The following DPF3 variants were observed in gnomAD, a reference collection of about 807,000 sequenced individuals.
DPF3 encodes the protein zinc finger protein DPF3.
DPF3 carries 18 observed loss-of-function variants against 56.8 expected under a neutral mutation model. The observed-to-expected ratio is 0.32, with a 90% CI of 0.22 to 0.47. The LOEUF is 0.47. Ranked by LOEUF, DPF3 falls within the 20% of genes least tolerant of loss-of-function variation. The pLI is 1.00. For synonymous variants in DPF3, 188 were observed against 180.2 expected (o/e 1.04, Z -0.35); for missense variants, 403 against 488.8 (o/e 0.82, Z 1.65).
intron 8 of DPF3, among the ~76,000 whole-genome samples, chr14:72,633,791 C>G (rs568422531): frequency 6.6e-6 from 1 of 151,964 alleles, no homozygotes; most frequent in Admixed American, 6.6e-5. Flanking sequence ...GAGGAGGGGC[C>G]GGGGGTGGCG....
chr14:72,613,033 T>C lies in DPF3; in HGVS notation c.*6264A>G, dbSNP rs1352132339. On this transcript the variant is annotated 3_prime_UTR_variant, in exon 11 of 11. Coordinates refer to ENST00000556509, the MANE Select transcript of DPF3 (RefSeq NM_001280542.3). ...GTGTGTGTGTGTGTGTGTGTGTGTA[T>C]GTGCGTGCGTGCACGCACGCGCATG... Among the ~76,000 whole-genome samples, 1 of 150,936 alleles carries C rather than the reference T, an allele frequency of 6.6e-6. No individual in the cohort carries two copies. The highest frequency in any genetic ancestry group is 1.5e-5 in the Non-Finnish European group (1 of 67,696).
chr14:72,624,903 C>G (rs1884731197), intron 9 of DPF3, among the ~76,000 whole-genome samples: 1 of 152,208 alleles, frequency 6.6e-6, no homozygotes, highest in African/African-American at 2.4e-5. Context: ...CTTGGCGCAT[C>G]ATATCGGGGG....
At chr14:72,889,743 A>G (rs978312969) in intron 1 of DPF3, among the ~76,000 whole-genome samples, 7 of 152,254 alleles carry the variant, frequency 4.6e-5, no homozygotes, top group Non-Finnish European at 7.3e-5. Context: ...ACGTTCATCT[A>G]CACACATGAC....
At chr14:72,738,155 A>G (rs577386929) in intron 3 of DPF3, among the ~76,000 whole-genome samples, 3 of 151,866 alleles carry the variant, frequency 2.0e-5, no homozygotes, top group East Asian at 3.9e-4. Flanking sequence ...GGGGAGGGGG[A>G]TCAGAGACCT....
chr14:72,811,335 T>C (rs908125138), intron 1 of DPF3, among the ~76,000 whole-genome samples: 1 of 152,162 alleles, frequency 6.6e-6, no homozygotes, highest in Non-Finnish European at 1.5e-5. Context: ...GTTTGCCCCA[T>C]GAAGGAAGAG....
chr14:72,832,451 A>G (rs1358792933), intron 1 of DPF3, among the ~76,000 whole-genome samples: 1 of 152,186 alleles, frequency 6.6e-6, no homozygotes, highest in Non-Finnish European at 1.5e-5. Context: ...GCCAGTATTC[A>G]TAGCAGTCCG....
intron 8 of DPF3, among the ~76,000 whole-genome samples, chr14:72,638,980 C>A (rs1365712421): frequency 6.6e-6 from 1 of 152,046 alleles, no homozygotes; most frequent in Non-Finnish European, 1.5e-5. Context: ...CCATGCCTGG[C>A]TAATTTTTTG....
rs575028175 is a variant in DPF3 at position 72,661,525 on chromosome 14, C to T, written c.871+12715G>A. The T allele has an allele frequency of 5.9e-5, 58 of 985,490 alleles. No individual in the cohort carries two copies. The African/African-American group carries it at 8.4e-4, about 14-fold the overall frequency. The allele number at this position is 985,490 out of a possible 1,614,324, so 61.0% of individuals were successfully genotyped here. ...AAAGCCCAGTGCAGTGGGGAGCCTGCGGGTAGAACCCAGTGGCTCAGCCAG... is the reference window on the plus strand; with the variant it reads ...AAAGCCCAGTGCAGTGGGGAGCCTGTGGGTAGAACCCAGTGGCTCAGCCAG... On this transcript the variant is annotated intron_variant, in intron 8 of 10. Transcript: ENST00000556509.
intron 5 of DPF3, among the ~76,000 whole-genome samples, chr14:72,721,158 G>C (rs1000715758): frequency 6.6e-6 from 1 of 152,174 alleles, no homozygotes; most frequent in Non-Finnish European, 1.5e-5. Context: ...AAAGCACCTG[G>C]CACAAAGGCA....
At chr14:72,674,732 T>C (rs1204240936) in intron 7 of DPF3, among the ~76,000 whole-genome samples, 1 of 152,166 alleles carries the variant, frequency 6.6e-6, no homozygotes, top group Non-Finnish European at 1.5e-5. Flanking sequence ...AGGCATCAGA[T>C]GGAAACCACA....
chr14:72,801,165 T>C (rs8010609), intron 1 of DPF3, among the ~76,000 whole-genome samples: 42 of 152,180 alleles, frequency 2.8e-4, no homozygotes, highest in African/African-American at 1.0e-3. Flanking sequence ...AGCATCTACT[T>C]GGATCTGGGC....
intron 1 of DPF3, among the ~76,000 whole-genome samples, chr14:72,795,318 A>ATATAT (rs1555507696): frequency 1.4e-5 from 2 of 146,588 alleles, no homozygotes; most frequent in Non-Finnish European, 3.0e-5. Context: ...ATATATATAT[A>ATATAT]AGGCAGATGG....
chr14:72,757,923 G>A (rs1047940866), intron 2 of DPF3, among the ~76,000 whole-genome samples: 1 of 151,820 alleles, frequency 6.6e-6, no homozygotes, highest in Non-Finnish European at 1.5e-5. Context: ...TGTGTGTGGT[G>A]TGTTTGCATG....
chr14:72,809,523 A>G (rs1159853192), intron 1 of DPF3, among the ~76,000 whole-genome samples: 7 of 152,220 alleles, frequency 4.6e-5, no homozygotes, highest in African/African-American at 1.7e-4. Context: ...TCCTGAGGCC[A>G]CTACACCAGG....
Position 72,642,037 on chromosome 14 carries a change from T to C in DPF3, c.872-12301A>G, listed in dbSNP as rs746393489. Among the ~76,000 whole-genome samples the C allele has an allele frequency of 5.4e-4, 82 of 152,076 alleles. 1 individual carries two copies. The Middle Eastern group carries it at 9.5e-3, about 18-fold the overall frequency. ...TGTTCAGCCAGCAAAGAACTGAGAC[T>C]CTCAACGCAGCAGCTCATGAGGACC... On this transcript the variant is annotated intron_variant, in intron 8 of 10. Transcript: ENST00000556509.
At chr14:72,751,376 C>A (rs1301211271) in intron 3 of DPF3, among the ~76,000 whole-genome samples, 2 of 152,190 alleles carry the variant, frequency 1.3e-5, no homozygotes, top group Admixed American at 6.5e-5. Flanking sequence ...ATTTCTCACA[C>A]TTCATCGTGC....
chr14:72,715,230 C>T (rs986495901), intron 5 of DPF3, among the ~76,000 whole-genome samples: 1 of 152,210 alleles, frequency 6.6e-6, no homozygotes, highest in African/African-American at 2.4e-5. Flanking sequence ...ATACCACCAC[C>T]CTGTGTGAAT....
intron 2 of DPF3, among the ~76,000 whole-genome samples, chr14:72,767,034 C>G (rs979029722): frequency 6.6e-6 from 1 of 152,142 alleles, no homozygotes; most frequent in African/African-American, 2.4e-5. Context: ...TAGTGGGGAG[C>G]CTGAACTCCC....
At chr14:72,636,623 T>G (rs1426686339) in intron 8 of DPF3, among the ~76,000 whole-genome samples, 1 of 152,240 alleles carries the variant, frequency 6.6e-6, no homozygotes, top group Non-Finnish European at 1.5e-5. Context: ...AACTCCTTTA[T>G]GTATATACTA....
Sources: gnomAD v4.1 joint callset for allele counts (sites outside exome capture counted in the v4.1 genomes callset) on GRCh38, gnomAD v4.1.1 for gene constraint, MANE v1.5 for transcripts, NCBI Gene and HGNC (gene_info 2026-07-23, HGNC 2026-07-21) for gene names.